MECOM: variants seen among roughly 807,000 people sequenced by gnomAD.
The protein encoded by MECOM is histone-lysine N-methyltransferase MECOM.
MECOM carries 13 observed loss-of-function variants against 116.3 expected under a neutral mutation model. That is an observed-to-expected ratio of 0.11 (90% CI 0.07 to 0.18). The LOEUF is 0.18. MECOM is among the 10% of genes least tolerant of loss of function. The pLI is 1.00. For synonymous variants in MECOM, 528 were observed against 535.2 expected (o/e 0.99, Z 0.19); for missense variants, 1,299 against 1,509.0 (o/e 0.86, Z 2.31).
rs558354935 is a variant in MECOM at position 169,165,316 on chromosome 3, G to A, written c.376-21484C>T. ...ACTAAGAAAATGAAGTTGTAAAATT[G>A]ATTGATTTCAGTGACAAAAGGAGAT... On this transcript the variant is annotated intron_variant, in intron 2 of 16. Coordinates refer to ENST00000651503, the MANE Select transcript of MECOM (RefSeq NM_004991.4). 3.3e-5 allele frequency among the ~76,000 whole-genome samples: 5 copies of A among 152,284 alleles called. No homozygotes were observed. The South Asian group carries it at 1.0e-3, about 32-fold the overall frequency.
At chr3:169,276,196 C>T (rs1759548245) in intron 2 of MECOM, among the ~76,000 whole-genome samples, 2 of 152,158 alleles carry the variant, frequency 1.3e-5, no homozygotes, top group Admixed American at 1.3e-4. Context: ...GACTTCAAGC[C>T]TTACATTTAT....
At chr3:169,237,758 A>C (rs527816280) in intron 2 of MECOM, among the ~76,000 whole-genome samples, 2 of 152,274 alleles carry the variant, frequency 1.3e-5, no homozygotes, top group South Asian at 4.1e-4. Context: ...ATACTAGCTA[A>C]CTTTAAAGTT....
chr3:169,383,512 T>G (rs1255083143), intron 1 of MECOM, among the ~76,000 whole-genome samples: 1 of 152,222 alleles, frequency 6.6e-6, no homozygotes, highest in Non-Finnish European at 1.5e-5. Context: ...AGTCACTAAA[T>G]GCTATTTGTT....
At chr3:169,585,684 A>C (rs545441642) in intron 1 of MECOM, among the ~76,000 whole-genome samples, 1 of 152,218 alleles carries the variant, frequency 6.6e-6, no homozygotes, top group African/African-American at 2.4e-5. Context: ...ATTCCTACCC[A>C]TCCCTTCTTA....
intron 2 of MECOM, among the ~76,000 whole-genome samples, chr3:169,340,825 T>C (rs1487335421): frequency 6.6e-6 from 1 of 152,218 alleles, no homozygotes; most frequent in East Asian, 1.9e-4. Flanking sequence ...CATCAGCTTC[T>C]TGCAAGGTAT....
At chr3:169,631,068 C>T (rs745791165) in intron 1 of MECOM, among the ~76,000 whole-genome samples, 6 of 152,248 alleles carry the variant, frequency 3.9e-5, no homozygotes, top group Non-Finnish European at 7.3e-5. Flanking sequence ...GGCAGCTCTG[C>T]AGTGGTGGAG....
At chr3:169,363,196 C>A (rs921808926) in intron 2 of MECOM, among the ~76,000 whole-genome samples, 2 of 151,834 alleles carry the variant, frequency 1.3e-5, no homozygotes, top group African/African-American at 4.8e-5. Flanking sequence ...GCTTTGAAAC[C>A]CTCTGACAAA....
intron 1 of MECOM, among the ~76,000 whole-genome samples, chr3:169,620,292 TTCTGCTTCCTC>T (rs2109887597): frequency 6.6e-6 from 1 of 152,360 alleles, no homozygotes; most frequent in South Asian, 2.1e-4. Context: ...TAACATTCAT[TTCTGCTTCCTC>T]TCTGTTAATG....
In MECOM at chr3:169,170,897, C is replaced by A. The variant is rs1332441388; in HGVS notation, c.376-27065G>T. On this transcript the variant is annotated intron_variant, in intron 2 of 16. Transcript: ENST00000651503. ...ACAATTTGATTCTCAATTTTGAATT[C>A]TAAATTCTAAATCCACTGGGCAGTG... 3.3e-5 allele frequency among the ~76,000 whole-genome samples: 5 copies of A among 152,232 alleles called. No individual in the cohort carries two copies. The East Asian group carries it at 9.7e-4, about 29-fold the overall frequency.
chr3:169,263,939 A>C (rs1466890018), intron 2 of MECOM, among the ~76,000 whole-genome samples: 1 of 152,156 alleles, frequency 6.6e-6, no homozygotes, highest in Non-Finnish European at 1.5e-5. Context: ...ACAAGGAAAA[A>C]AAAAACCCAC....
At chr3:169,332,407 A>G (rs1422999950) in intron 2 of MECOM, among the ~76,000 whole-genome samples, 2 of 152,136 alleles carry the variant, frequency 1.3e-5, no homozygotes, top group Non-Finnish European at 2.9e-5. Flanking sequence ...GAAGCTTTGA[A>G]CTGACAGGCA....
At chr3:169,211,951 T>G (rs1750781959) in intron 2 of MECOM, among the ~76,000 whole-genome samples, 1 of 152,244 alleles carries the variant, frequency 6.6e-6, no homozygotes, top group African/African-American at 2.4e-5. Context: ...CTCAGTTGCC[T>G]CTATCCCCAA....
In MECOM at chr3:169,255,371, A is replaced by AT. The variant is rs1168211614; in HGVS notation, c.376-111540dup. On this transcript the variant is annotated intron_variant, in intron 2 of 16. Transcript: ENST00000651503. ...ATACAAAACAAAACCTGGAGACTTC[A>AT]TTTTTTTCTCTGTGCTTGTGTTAGC... Among the ~76,000 whole-genome samples, 7 of 152,096 alleles carry AT rather than the reference A, an allele frequency of 4.6e-5. No homozygotes were observed. The East Asian group carries it at 1.2e-3, about 25-fold the overall frequency.
chr3:169,237,309 T>G (rs1005647169), intron 2 of MECOM, among the ~76,000 whole-genome samples: 3 of 152,142 alleles, frequency 2.0e-5, no homozygotes, highest in African/African-American at 7.2e-5. Flanking sequence ...AATGTAATAC[T>G]GAAATGTAAA....
chr3:169,627,947 C>A (rs983775095), intron 1 of MECOM, among the ~76,000 whole-genome samples: 2 of 152,168 alleles, frequency 1.3e-5, no homozygotes, highest in African/African-American at 2.4e-5. Flanking sequence ...GGTGACGTGG[C>A]GGGCCTCAAG....
rs577344437 is a variant in MECOM at position 169,663,062 on chromosome 3, C to G, written c.37+274G>C. Among the ~76,000 whole-genome samples, 28 of 144,564 alleles carry G rather than the reference C, an allele frequency of 1.9e-4. No homozygotes were observed. In the East Asian group the frequency reaches 6.0e-3, roughly 31 times the overall value. The allele number at this position is 144,564 out of a possible 152,430, so 94.8% of individuals were successfully genotyped here. A position where few individuals can be genotyped will look rare whatever the true frequency, so the allele number is the denominator to read the frequency against. Reference sequence around the variant, plus strand: ...CTCCCACCCCTAGTCTTTGCTGCCCCCACCCCCACCCCCACCCCGGGGTTG... The same window carrying G: ...CTCCCACCCCTAGTCTTTGCTGCCCGCACCCCCACCCCCACCCCGGGGTTG... On this transcript the variant is annotated intron_variant, in intron 1 of 16. Transcript: ENST00000651503.
At chr3:169,315,562 A>T (rs1719589952) in intron 2 of MECOM, among the ~76,000 whole-genome samples, 1 of 152,186 alleles carries the variant, frequency 6.6e-6, no homozygotes, top group African/African-American at 2.4e-5. Flanking sequence ...TTTGCATGTT[A>T]GGTCTTTGGA....
At chr3:169,238,151 G>C (rs1375748630) in intron 2 of MECOM, among the ~76,000 whole-genome samples, 2 of 148,616 alleles carry the variant, frequency 1.3e-5, no homozygotes, top group African/African-American at 5.0e-5. Flanking sequence ...CTCCAGCCTG[G>C]GTGATGGAGC....
rs954032128 is a variant in MECOM at position 169,221,486 on chromosome 3, C to T, written c.376-77654G>A. Among the ~76,000 whole-genome samples, 3 of 151,764 alleles carry T rather than the reference C, an allele frequency of 2.0e-5. No individual in the cohort carries two copies. The South Asian group carries it at 6.2e-4, about 32-fold the overall frequency. On this transcript the variant is annotated intron_variant, in intron 2 of 16. Transcript: ENST00000651503. ...TTTGTGAAAGAGTGTGAATTGTGTGCCCAGTTACCTTTAGCCCCCTTGGAC... is the reference window on the plus strand; with the variant it reads ...TTTGTGAAAGAGTGTGAATTGTGTGTCCAGTTACCTTTAGCCCCCTTGGAC...
Sources: gnomAD v4.1 joint callset for allele counts (sites outside exome capture counted in the v4.1 genomes callset) on GRCh38, gnomAD v4.1.1 for gene constraint, MANE v1.5 for transcripts, NCBI Gene and HGNC (gene_info 2026-07-23, HGNC 2026-07-21) for gene names.